Variants in GRM5 observed in about 807,000 individuals in gnomAD.
GRM5 encodes glutamate metabotropic receptor 5.
In GRM5, 19 loss-of-function variants were observed where a neutral mutation model predicts 83.1. The observed-to-expected ratio is 0.23, with a 90% CI of 0.16 to 0.34. GRM5 has a LOEUF of 0.34. Ranked by LOEUF, GRM5 falls within the 10% of genes least tolerant of loss-of-function variation. The pLI is 1.00. For missense variants in GRM5, 1,160 were observed against 1,588.3 expected (o/e 0.73, Z 4.58); for synonymous variants, 675 against 633.6 (o/e 1.07, Z -0.98).
intron 7 of GRM5, among the ~76,000 whole-genome samples, chr11:88,570,745 A>G (rs970713063): frequency 2.7e-4 from 41 of 150,288 alleles, no homozygotes; most frequent in African/African-American, 9.8e-4. Context: ...TTTTTTGTAT[A>G]TTTAGTAGAG....
intron 3 of GRM5, among the ~76,000 whole-genome samples, chr11:88,702,561 A>G (rs980621283): frequency 6.6e-6 from 1 of 152,114 alleles, no homozygotes; most frequent in African/African-American, 2.4e-5. Context: ...AATATGAAAG[A>G]TATTTTAGGG....
chr11:88,752,630 G>T (rs543490736), intron 3 of GRM5, among the ~76,000 whole-genome samples: 1 of 152,298 alleles, frequency 6.6e-6, no homozygotes, highest in South Asian at 2.1e-4. Context: ...CCAAAAAAGA[G>T]CCCAAATGGG....
chr11:88,747,589 T>C (rs143925327), intron 3 of GRM5, among the ~76,000 whole-genome samples: 38 of 152,242 alleles, frequency 2.5e-4, no homozygotes, highest in Admixed American at 1.9e-3. Flanking sequence ...TGTCAAGTAG[T>C]TCTTCCTTAT....
chr11:88,574,331 T>C (rs1214458013), intron 7 of GRM5, among the ~76,000 whole-genome samples: 4 of 152,160 alleles, frequency 2.6e-5, no homozygotes, highest in Non-Finnish European at 5.9e-5. Context: ...TACAGAACTA[T>C]TATGTAGTGT....
At chr11:89,017,879 A>C (rs891058696) in intron 2 of GRM5, among the ~76,000 whole-genome samples, 1 of 152,170 alleles carries the variant, frequency 6.6e-6, no homozygotes, top group Non-Finnish European at 1.5e-5. Context: ...CATTTAGATA[A>C]AAGTCTAGGT....
intron 1 of GRM5, among the ~76,000 whole-genome samples, chr11:89,052,222 G>C (rs961531402): frequency 6.6e-6 from 1 of 152,118 alleles, no homozygotes; most frequent in Non-Finnish European, 1.5e-5. Flanking sequence ...GAGAGTTTTG[G>C]TTTAGACATG....
At chr11:88,914,235 G>T (rs576139691) in intron 2 of GRM5, among the ~76,000 whole-genome samples, 13 of 152,190 alleles carry the variant, frequency 8.5e-5, no homozygotes, top group African/African-American at 3.1e-4. Context: ...GTGACAGAGG[G>T]TGCTCAAATT....
intron 3 of GRM5, among the ~76,000 whole-genome samples, chr11:88,723,237 A>C (rs748494959): frequency 6.6e-6 from 1 of 151,356 alleles, no homozygotes; most frequent in Non-Finnish European, 1.5e-5. Flanking sequence ...ACTGACTACT[A>C]TTCTATTGTA....
chr11:88,661,485 A>G (rs1013638700), intron 3 of GRM5, among the ~76,000 whole-genome samples: 3 of 152,052 alleles, frequency 2.0e-5, no homozygotes, highest in South Asian at 2.1e-4. Context: ...TCTGTTTGCA[A>G]CCCACATAAT....
chr11:89,001,189 A>G (rs1252427981), intron 2 of GRM5, among the ~76,000 whole-genome samples: 1 of 152,134 alleles, frequency 6.6e-6, no homozygotes, highest in Non-Finnish European at 1.5e-5. Context: ...ATTTTCCACT[A>G]TCATACAATA....
At chr11:88,565,725 T>G (rs1042494874) in intron 8 of GRM5, among the ~76,000 whole-genome samples, 1 of 152,188 alleles carries the variant, frequency 6.6e-6, no homozygotes, top group African/African-American at 2.4e-5. Flanking sequence ...ACCATGACAT[T>G]GCCAGGATTT....
At chr11:88,568,951 G>A (rs908992700) in intron 7 of GRM5, among the ~76,000 whole-genome samples, 9 of 152,328 alleles carry the variant, frequency 5.9e-5, no homozygotes, top group African/African-American at 1.4e-4. Flanking sequence ...ATGATATGGA[G>A]TTTTTAAATT....
intron 2 of GRM5, among the ~76,000 whole-genome samples, chr11:88,998,416 A>G (rs1029491667): frequency 6.6e-6 from 1 of 152,178 alleles, no homozygotes; most frequent in Non-Finnish European, 1.5e-5. Flanking sequence ...ATAGGAATAG[A>G]GAGAAATTAC....
chr11:88,993,380 T>C (rs1940061214), intron 2 of GRM5, among the ~76,000 whole-genome samples: 1 of 152,086 alleles, frequency 6.6e-6, no homozygotes, highest in South Asian at 2.1e-4. Context: ...GTGTTCTTGG[T>C]ACCCTTATTA....
intron 2 of GRM5, among the ~76,000 whole-genome samples, chr11:89,027,181 C>T (rs1565341550): frequency 3.9e-5 from 6 of 152,056 alleles, no homozygotes; most frequent in Middle Eastern, 3.4e-3. Context: ...CTGCAACCTC[C>T]GCCTCCTGGG....
At chr11:88,629,417 C>T (rs1350248592) in intron 4 of GRM5, among the ~76,000 whole-genome samples, 1 of 152,136 alleles carries the variant, frequency 6.6e-6, no homozygotes, top group Non-Finnish European at 1.5e-5. Context: ...GTCTTCTCTC[C>T]TTGTTTTAAT....
chr11:88,952,103 C>T (rs1238438833), intron 2 of GRM5, among the ~76,000 whole-genome samples: 1 of 134,106 alleles, frequency 7.5e-6, no homozygotes, highest in African/African-American at 2.6e-5. Flanking sequence ...TCGCTCTCTT[C>T]CACCATGTGC....
chr11:88,675,356 G>A (rs1443977637), intron 3 of GRM5, among the ~76,000 whole-genome samples: 2 of 151,998 alleles, frequency 1.3e-5, no homozygotes, highest in East Asian at 3.9e-4. Context: ...ACGGAGTGAG[G>A]CAATTGTTAG....
intron 2 of GRM5, among the ~76,000 whole-genome samples, chr11:88,982,288 C>T (rs911296071): frequency 6.6e-6 from 1 of 152,126 alleles, no homozygotes; most frequent in Non-Finnish European, 1.5e-5. Context: ...TTTATGTGAA[C>T]AGTATTTCAT....
Sources: allele counts gnomAD v4.1 joint callset (sites outside exome capture counted in the v4.1 genomes callset), GRCh38; gene constraint gnomAD v4.1.1; transcripts MANE v1.5; gene names NCBI Gene and HGNC (gene_info 2026-07-23, HGNC 2026-07-21).